The following BCOR variants were observed in gnomAD, a reference collection of about 807,000 sequenced individuals.
BCOR encodes BCL-6 corepressor.
In BCOR, 10 loss-of-function variants were observed where a neutral mutation model predicts 86.7. The ratio of observed to expected loss-of-function variants is 0.12; its 90% CI spans 0.07 to 0.20. BCOR has a LOEUF of 0.20. Ranked by LOEUF, BCOR falls within the 10% of genes least tolerant of loss-of-function variation. BCOR has a pLI of 1.00. For missense variants in BCOR, 1,259 were observed against 1,452.1 expected, an observed-to-expected ratio of 0.87 and a Z score of 2.16; for synonymous variants, 611 against 609.0, an observed-to-expected ratio of 1.00 and a Z score of -0.05.
intron 1 of BCOR, among the ~76,000 whole-genome samples, chrX:40,149,831 G>C (rs1001850754): frequency 8.9e-6 from 1 of 111,926 alleles, no homozygotes; most frequent in Non-Finnish European, 1.9e-5. Flanking sequence ...CAATGGCTCC[G>C]AATATGCTTT....
chrX:40,106,311 G>A (rs1485387479), intron 1 of BCOR, among the ~76,000 whole-genome samples: 1 of 112,239 alleles, frequency 8.9e-6, no homozygotes, highest in Admixed American at 9.3e-5. Flanking sequence ...TCTAATGAGA[G>A]TGCACACAGC....
At position 40,073,491 on chromosome X, in the gene BCOR, C is replaced by T; in HGVS notation, c.1855G>A (p.Ala619Thr). The change falls in exon 4 of 15, where the codon GCC becomes ACC. Residue 619 changes from alanine (A) to threonine (T), a missense_variant. Physicochemically the swap from Ala to Thr is moderately conservative, Grantham distance 58 (BLOSUM62 0). Transcript: ENST00000378444. The stretch of plus-strand genomic sequence containing the variant: ...TTGAAACTCGGTTCTGGGTTGCTGG[C>T]TTTGGCGCCCTTGCTGCTGGTGCTG... The part of the protein sequence containing the change: ...SSSTSSKGAK[A>T]SNPEPSFKAN... 1 of 1,212,357 alleles carries T rather than the reference C, an allele frequency of 8.2e-7. No homozygotes were observed. The highest frequency in any genetic ancestry group is 1.8e-5 in the South Asian group (1 of 57,050).
rs1241396523 is a variant in BCOR, at chrX:40,073,158, T to A, written c.2188A>T (p.Ile730Leu). 6 of 1,210,494 alleles carry A rather than the reference T, an allele frequency of 5.0e-6. No homozygotes were observed. The highest frequency in any genetic ancestry group is 2.3e-4 in the Middle Eastern group (1 of 4,372). The change falls in exon 4 of 15, where the codon ATA becomes TTA. Residue 730 changes from isoleucine to leucine, a missense_variant. Transcript: ENST00000378444. ...GTAATCTCTATGGGCGTGTGTGGTA[T>A]CAACATGGGATGCACCATGCCCAAC... is the stretch of plus-strand genomic sequence containing the variant. ...LGLGMVHPML[I>L]PHTPIEITKE...
intron 12 of BCOR, 40 bp from the exon 13 acceptor site, chrX:40,054,373 C>T (rs758100355): frequency 3.7e-6 from 4 of 1,074,181 alleles, no homozygotes; most frequent in African/African-American, 1.8e-5. Flanking sequence ...ATAAAATCTA[C>T]TGCTGAGAAC....
rs745757787 is a variant in BCOR, at chrX:40,159,188, T to G, written c.-41+17819A>C. Among the ~76,000 whole-genome samples the G allele has an allele frequency of 8.0e-5, 9 of 112,543 alleles. No homozygotes were observed. The South Asian group carries it at 2.9e-3, about 37-fold the overall frequency. ...TTGTTTAGGAAAAATGATGAAAGTT[T>G]ATTTCAACCAAGCAAAATATCAAAT... On this transcript the variant is annotated intron_variant, in intron 1 of 14. Coordinates refer to the BCOR transcript ENST00000342274.
chrX:40,095,099 G>T (rs1602206761), intron 1 of BCOR, among the ~76,000 whole-genome samples: 1 of 111,787 alleles, frequency 8.9e-6, no homozygotes, highest in African/African-American at 3.3e-5. Flanking sequence ...CCCGCACACT[G>T]AAGGCCAGCC....
intron 6 of BCOR, among the ~76,000 whole-genome samples, chrX:40,070,020 A>G: frequency 8.9e-6 from 1 of 111,890 alleles, no homozygotes; most frequent in Non-Finnish European, 1.9e-5. Flanking sequence ...CCGAGTATCA[A>G]GAAGCACACT....
intron 1 of BCOR, among the ~76,000 whole-genome samples, chrX:40,150,671 G>A (rs182602547): frequency 1.8e-5 from 2 of 111,728 alleles, no homozygotes; most frequent in East Asian, 2.8e-4. Context: ...AGATCCCCCC[G>A]GTGGTGGTTC....
chrX:40,157,875 T>G (rs1938329351), intron 1 of BCOR, among the ~76,000 whole-genome samples: 1 of 112,838 alleles, frequency 8.9e-6, no homozygotes, highest in Admixed American at 9.3e-5. Flanking sequence ...GCACATATTC[T>G]GTAGCCTTTA....
intron 1 of BCOR, among the ~76,000 whole-genome samples, chrX:40,148,150 C>T (rs1453770240): frequency 8.9e-6 from 1 of 112,208 alleles, no homozygotes; most frequent in East Asian, 2.8e-4. Flanking sequence ...CCTGAAGGCA[C>T]TGCCCACACC....
At position 40,097,297 on chromosome X, in the gene BCOR, A is replaced by G. The variant is rs1426218549; in HGVS notation, c.-123T>C. The G allele has an allele frequency of 1.9e-4, 16 of 86,232 alleles. No homozygotes were observed. Among genetic ancestry groups the G allele is most frequent in the African/African-American group, 7.1e-4 (16 of 22,545 alleles). The allele number at this position is 86,232 out of a possible 1,213,427, so 7.1% of individuals were successfully genotyped here. On this transcript the variant is annotated 5_prime_UTR_variant, in exon 1 of 15. Transcript: ENST00000378444. ...TCCCCCAAGCGGACTCGAGGCGGCG[A>G]GAAGGAGCGGGGGGCGGTTGGGTGG...
At chrX:40,143,113 G>C (rs1326387028) in intron 1 of BCOR, among the ~76,000 whole-genome samples, 1 of 112,283 alleles carries the variant, frequency 8.9e-6, no homozygotes, top group East Asian at 2.8e-4. Flanking sequence ...GGCGCCAAGT[G>C]ATGGAAAATC....
Position 40,097,581 on chromosome X carries a change from C to G in BCOR, c.-407G>C, listed in dbSNP as rs1485419610. On this transcript the variant is annotated 5_prime_UTR_variant, in exon 1 of 15. Transcript: ENST00000378444. ...GGGGCCTCCGGGCAGGTGGCGACAGCCCCGTGCGATCCTCCGGGCTCCCGC... is the reference window on the plus strand; with the variant it reads ...GGGGCCTCCGGGCAGGTGGCGACAGGCCCGTGCGATCCTCCGGGCTCCCGC... Among the ~76,000 whole-genome samples the G allele has an allele frequency of 9.0e-6, 1 of 111,150 alleles. No individual in the cohort carries two copies. The highest frequency in any genetic ancestry group is 2.9e-4 in the East Asian group (1 of 3,488).
chrX:40,121,473 T>C (rs914772630), intron 1 of BCOR, among the ~76,000 whole-genome samples: 5 of 113,015 alleles, frequency 4.4e-5, no homozygotes, highest in African/African-American at 1.6e-4. Context: ...GTTAAGGCTA[T>C]AATTACTTCA....
chrX:40,080,815 CGTGTGTGTGTGTGTGT>C (rs533981374), intron 1 of BCOR, among the ~76,000 whole-genome samples: 2,405 of 65,939 alleles, frequency 0.036, 118 homozygotes, highest in African/African-American at 0.11. Flanking sequence ...GGTTCACTGT[CGTGTGTGTGTGTGTGT>C]GTGTGTGTGT....
chrX:40,063,765 G>A lies in BCOR; in HGVS notation c.3690C>T (p.Gly1230=), dbSNP rs2147055128. The A allele has an allele frequency of 2.5e-6, 3 of 1,211,761 alleles. No individual in the cohort carries two copies. The highest frequency in any genetic ancestry group is 3.4e-6 in the Non-Finnish European group (3 of 895,507). The change falls in exon 8 of 15, where the codon GGC becomes GGT. Residue 1230 remains glycine (G), a synonymous_variant. Coordinates refer to ENST00000378444, the MANE Select transcript of BCOR (RefSeq NM_001123385.2). ...GGGTCACTTCCTTCCTGCTTTGCCG[G>A]CCAGGTTTGCCATCTGCTGCCGACA... ...QQVSAADGKP[G]RQSRKEVTQA... is the part of the protein sequence containing the mutation.
At chrX:40,118,909 T>C (rs895223186) in intron 1 of BCOR, among the ~76,000 whole-genome samples, 1 of 112,591 alleles carries the variant, frequency 8.9e-6, no homozygotes, top group Non-Finnish European at 1.9e-5. Context: ...CTTGGCTCAC[T>C]GCAATCTCTG....
In BCOR at chrX:40,084,018, C is replaced by T. The variant is rs1299749613; in HGVS notation, c.-40-6049G>A. Reference sequence around the variant, plus strand: ...CCGCCGAGCCCACCCGGGGAATGGGCACGGCAGACCCCTCCTCGCCATCGT... The same window carrying T: ...CCGCCGAGCCCACCCGGGGAATGGGTACGGCAGACCCCTCCTCGCCATCGT... On this transcript the variant is annotated intron_variant, in intron 1 of 14. Transcript: ENST00000378444. 4.5e-5 allele frequency among the ~76,000 whole-genome samples: 5 copies of T among 112,281 alleles called. No homozygotes were observed. The East Asian group carries it at 1.4e-3, about 32-fold the overall frequency.
chrX:40,130,215 A>G (rs976258599), intron 1 of BCOR, among the ~76,000 whole-genome samples: 1 of 111,065 alleles, frequency 9.0e-6, no homozygotes, highest in Non-Finnish European at 1.9e-5. Context: ...GTGCACCCCA[A>G]TTCCCTCCTT....
Sources: allele counts gnomAD v4.1 joint callset (sites outside exome capture counted in the v4.1 genomes callset), GRCh38; gene constraint gnomAD v4.1.1; transcripts MANE v1.5; gene names NCBI Gene and HGNC (gene_info 2026-07-23, HGNC 2026-07-21).